Variants in CMYA5 observed in about 807,000 individuals in gnomAD.
CMYA5 encodes the protein cardiomyopathy-associated protein 5.
In CMYA5, 246 loss-of-function variants were observed where a neutral mutation model predicts 318.9. The observed-to-expected ratio is 0.77, with a 90% confidence interval of 0.70 to 0.86. CMYA5 has a LOEUF of 0.86. Among genes scored for constraint, CMYA5 ranks in the 40% least tolerant of loss-of-function variants. The probability of loss-of-function intolerance (pLI) is 0.00; values close to 1 mark genes in which losing one functional copy is unlikely to be tolerated. For missense variants in CMYA5, 4,589 were observed against 4,678.2 expected, an observed-to-expected ratio of 0.98 and a Z score of 0.56; for synonymous variants, 1,641 against 1,729.5, an observed-to-expected ratio of 0.95 and a Z score of 1.27.
chr5:79,754,305 A>G (rs576803596), intron 6 of CMYA5, among the ~76,000 whole-genome samples: 5 of 152,310 alleles, frequency 3.3e-5, no homozygotes, highest in East Asian at 1.9e-4. Context: ...AAAGGATGTG[A>G]GTTTTCCAAT....
At position 79,736,097 on chromosome 5, in the gene CMYA5, G is replaced by A; in HGVS notation, c.7332G>A (p.Glu2444=). The change falls in exon 2 of 13, where the codon GAG becomes GAA. Residue 2444 remains glutamate, a synonymous_variant. Transcript: ENST00000446378. The part of the protein sequence containing the change: ...QNPTSLKISE[E]ETKLRSVSPT... ...CTACTTCCTTGAAAATTTCTGAAGA[G>A]GAAACAAAACTCAGGTCTGTTAGTC... The A allele has an allele frequency of 1.2e-6, 2 of 1,612,706 alleles. No individual in the cohort carries two copies. Among genetic ancestry groups the A allele is most frequent in the Middle Eastern group, 1.7e-4 (1 of 6,060 alleles).
intron 1 of CMYA5, among the ~76,000 whole-genome samples, chr5:79,700,165 C>T (rs1254065550): frequency 6.6e-6 from 1 of 152,240 alleles, no homozygotes; most frequent in Non-Finnish European, 1.5e-5. Context: ...ACAGTTTTCA[C>T]TTGTCAATCT....
Position 79,793,494 on chromosome 5 carries a change from C to A in CMYA5, c.11847C>A (p.Thr3949=). 4 of 1,613,920 alleles carry A rather than the reference C, an allele frequency of 2.5e-6. No individual in the cohort carries two copies. The highest frequency in any genetic ancestry group is 3.4e-6 in the Non-Finnish European group (4 of 1,179,838). The change falls in exon 12 of 13, where the codon ACC becomes ACA. Residue 3949 remains threonine, a synonymous_variant. Transcript: ENST00000446378. ...LPSCGQHYWE[T]TVTDCPAYRL... ...CCTGTGGCCAGCATTACTGGGAAAC[C>A]ACAGTCACAGACTGCCCAGCATATC...
chr5:79,721,959 A>G (rs889447472), intron 1 of CMYA5, among the ~76,000 whole-genome samples: 1 of 152,246 alleles, frequency 6.6e-6, no homozygotes, highest in Non-Finnish European at 1.5e-5. Flanking sequence ...GAATAACACA[A>G]TAAATAAGCC....
chr5:79,795,326 A>G (rs1829256952), intron 12 of CMYA5, among the ~76,000 whole-genome samples: 1 of 152,092 alleles, frequency 6.6e-6, no homozygotes, highest in African/African-American at 2.4e-5. Context: ...CCTGTCTTCT[A>G]CTTTTTCTGG....
At chr5:79,750,213 A>G (rs1156438025) in intron 5 of CMYA5, among the ~76,000 whole-genome samples, 1 of 152,152 alleles carries the variant, frequency 6.6e-6, no homozygotes, top group Non-Finnish European at 1.5e-5. Context: ...TCAGCATTTC[A>G]GGTGATTCAT....
intron 5 of CMYA5, among the ~76,000 whole-genome samples, chr5:79,751,271 G>T (rs1280001813): frequency 6.6e-6 from 1 of 152,146 alleles, no homozygotes; most frequent in East Asian, 1.9e-4. Flanking sequence ...TTTCATCCCT[G>T]ACTGTCTGTG....
chr5:79,730,841 A>G lies in CMYA5; in HGVS notation c.2076A>G (p.Pro692=), dbSNP rs773330188. ...CCTCAGAAAGTGGGTGTTACACACC[A>G]GACTCCACATCTGCTTCTGAATATT... ...DEASESGCYT[P]DSTSASEYSV... The change falls in exon 2 of 13, where the codon CCA becomes CCG. Residue 692 remains proline (P), a synonymous_variant. Transcript: ENST00000446378. 114 of 1,613,998 alleles carry G rather than the reference A, an allele frequency of 7.1e-5. 1 individual carries two copies. In the South Asian group the frequency reaches 1.2e-3, roughly 17 times the overall value.
rs757659328 is a variant in CMYA5, at chr5:79,745,438, G to A, written c.10951G>A (p.Glu3651Lys). The stretch of plus-strand genomic sequence containing the variant: ...CGTGAGAGAAGCAGAGGAGCTTGAT[G>A]AGGCCGTCTTCCTGACTGTAAGTGC... ...TIVREAEELD[E>K]AVFLTSFEEI... Residue 3651 changes from glutamate (E) to lysine (K), a missense_variant, in exon 4 of 13, where the codon GAG (glutamate) becomes AAG (lysine). Around this residue, in one of 3 missense-constraint regions of CMYA5, gnomAD observed 2,431 missense variants for 2,495.1 expected, o/e 0.97. Transcript: ENST00000446378. 2.5e-6 allele frequency: 4 copies of A among 1,613,796 alleles called. No individual in the cohort carries two copies. In the South Asian group the frequency reaches 4.4e-5, roughly 18 times the overall value.
chr5:79,713,310 ACCCGCCG>A (rs200745669), intron 1 of CMYA5, among the ~76,000 whole-genome samples: 28 of 30,954 alleles, frequency 9.0e-4, no homozygotes, highest in East Asian at 5.1e-3. Flanking sequence ...CCCACCCCCC[ACCCGCCG>A]TCACAAAGAA....
intron 8 of CMYA5, 83 bp downstream of exon 8, chr5:79,762,040 T>C: frequency 2.8e-6 from 4 of 1,434,026 alleles, no homozygotes; most frequent in South Asian, 1.5e-5. Flanking sequence ...TAAGTGTTTA[T>C]TAAGCACCTA....
At chr5:79,748,778 A>G (rs1272358275) in intron 5 of CMYA5, among the ~76,000 whole-genome samples, 1 of 152,146 alleles carries the variant, frequency 6.6e-6, no homozygotes, top group Admixed American at 6.5e-5. Context: ...TCCTCAGGCC[A>G]AGTGATCTGC....
chr5:79,765,056 A>C (rs259131), intron 9 of CMYA5, among the ~76,000 whole-genome samples: 9,103 of 152,026 alleles, frequency 0.06, 328 homozygotes, highest in Non-Finnish European at 0.083. Flanking sequence ...GTCATGAAGT[A>C]TTTGCCCATG....
intron 1 of CMYA5, among the ~76,000 whole-genome samples, chr5:79,698,879 G>A (rs905493172): frequency 1.6e-4 from 24 of 152,194 alleles, no homozygotes; most frequent in African/African-American, 3.1e-4. Flanking sequence ...GGTTGTGACC[G>A]GACACGGTGG....
At chr5:79,796,187 T>C (rs561322067) in intron 12 of CMYA5, among the ~76,000 whole-genome samples, 4 of 152,282 alleles carry the variant, frequency 2.6e-5, no homozygotes, top group African/African-American at 9.6e-5. Flanking sequence ...CATTTAGGCA[T>C]TCAGAACCCT....
chr5:79,766,629 C>A (rs1240837180), intron 9 of CMYA5, among the ~76,000 whole-genome samples: 1 of 152,196 alleles, frequency 6.6e-6, no homozygotes, highest in Admixed American at 6.5e-5. Flanking sequence ...ATATGTTGAA[C>A]CAGCCTTGCA....
chr5:79,784,475 A>C (rs1416116678), intron 9 of CMYA5, among the ~76,000 whole-genome samples: 2 of 72,984 alleles, frequency 2.7e-5, no homozygotes, highest in African/African-American at 1.4e-4. Context: ...TGCTTTGTTT[A>C]CCTAAGCAAG....
Position 79,789,197 on chromosome 5 carries a change from C to G in CMYA5, c.11689+93C>G, listed in dbSNP as rs186434084. On this transcript the variant is annotated intron_variant, in intron 10 of 12. Coordinates refer to ENST00000446378, the MANE Select transcript of CMYA5 (RefSeq NM_153610.5). ...ATGTCCTAGAGGGCAACTTTATAAA[C>G]TCCCAACCTACTGTCAGTGGTAGGT... 1.8e-5 allele frequency: 25 copies of G among 1,398,930 alleles called. No individual in the cohort carries two copies. In the Admixed American group the frequency reaches 2.3e-4, roughly 13 times the overall value. The allele number at this position is 1,398,930 out of a possible 1,614,324, so 86.7% of individuals were successfully genotyped here.
At chr5:79,752,602 T>G in intron 5 of CMYA5, 74 bp from the exon 6 acceptor site, 1 of 1,098,200 alleles carries the variant, frequency 9.1e-7, no homozygotes. Context: ...CAGCTTCATT[T>G]TGAACAATTT....
Sources: gnomAD v4.1 joint callset for allele counts (sites outside exome capture counted in the v4.1 genomes callset) on GRCh38, gnomAD v4.1.1 for gene constraint, gnomAD v4.1.1 regional missense constraint, MANE v1.5 for transcripts, NCBI Gene and HGNC (gene_info 2026-07-23, HGNC 2026-07-21) for gene names.